The following CADPS2 variants were observed in gnomAD, a reference collection of about 807,000 sequenced individuals.
The protein encoded by CADPS2 is calcium dependent secretion activator 2.
CADPS2 carries 93 observed loss-of-function variants against 172.5 expected under a neutral mutation model. The ratio of observed to expected loss-of-function variants is 0.54; its 90% confidence interval spans 0.46 to 0.64. CADPS2 has a LOEUF of 0.64. Ranked by LOEUF, CADPS2 falls within the 30% of genes least tolerant of loss-of-function variation. The pLI is 0.00. For missense variants in CADPS2, 1,420 were observed against 1,565.9 expected, an observed-to-expected ratio of 0.91 and a Z score of 1.57; for synonymous variants, 546 against 555.2, an observed-to-expected ratio of 0.98 and a Z score of 0.23.
At chr7:122,866,608 G>A (rs1818384072) in intron 1 of CADPS2, among the ~76,000 whole-genome samples, 1 of 152,200 alleles carries the variant, frequency 6.6e-6, no homozygotes, top group Non-Finnish European at 1.5e-5. Flanking sequence ...TGCTGAAGCA[G>A]GAGAATTGCT....
chr7:122,449,190 T>C (rs968959019), intron 15 of CADPS2, among the ~76,000 whole-genome samples: 1 of 152,140 alleles, frequency 6.6e-6, no homozygotes, highest in Non-Finnish European at 1.5e-5. Context: ...CAGTTACTAA[T>C]ATAGATATCT....
rs542583714 is a variant in CADPS2, at chr7:122,341,570, T to C, written c.3612+4004A>G. 2.6e-5 allele frequency among the ~76,000 whole-genome samples: 4 copies of C among 152,282 alleles called. No individual in the cohort carries two copies. In the South Asian group the frequency reaches 8.3e-4, roughly 32 times the overall value. ...AGTTTCTGCATTCTCAGACCAGAGC[T>C]CTTCCCATAACACTACTTTATCATT... On this transcript the variant is annotated intron_variant, in intron 28 of 29. Transcript: ENST00000449022.
intron 17 of CADPS2, among the ~76,000 whole-genome samples, chr7:122,433,781 A>C (rs1455044722): frequency 6.6e-6 from 1 of 152,192 alleles, no homozygotes; most frequent in Non-Finnish European, 1.5e-5. Flanking sequence ...ACAGTTGACC[A>C]GTGGTATGGA....
At chr7:122,726,136 A>ATTTC (rs1365037688) in intron 2 of CADPS2, among the ~76,000 whole-genome samples, 3 of 151,980 alleles carry the variant, frequency 2.0e-5, no homozygotes, top group Non-Finnish European at 4.4e-5. Flanking sequence ...ATCTTATGAA[A>ATTTC]ATAAGATTCT....
intron 1 of CADPS2, among the ~76,000 whole-genome samples, chr7:122,880,618 T>C (rs913240025): frequency 2.6e-5 from 4 of 152,184 alleles, no homozygotes; most frequent in African/African-American, 9.7e-5. Context: ...TGAAATCAAT[T>C]GGGAAGTTTT....
intron 20 of CADPS2, among the ~76,000 whole-genome samples, chr7:122,397,688 A>G (rs1429492571): frequency 6.6e-6 from 1 of 152,172 alleles, no homozygotes; most frequent in African/African-American, 2.4e-5. Flanking sequence ...GAGGCATCAG[A>G]GTAAGTGCTT....
intron 6 of CADPS2, among the ~76,000 whole-genome samples, chr7:122,613,698 A>G (rs1163079240): frequency 6.6e-6 from 1 of 151,198 alleles, no homozygotes; most frequent in Non-Finnish European, 1.5e-5. Context: ...TCTTGAGATG[A>G]TGAGCATATT....
intron 8 of CADPS2, among the ~76,000 whole-genome samples, chr7:122,525,294 C>T (rs2061137013): frequency 6.6e-6 from 1 of 152,158 alleles, no homozygotes; most frequent in Admixed American, 6.6e-5. Flanking sequence ...ATTTAGTAAA[C>T]AAACTATGTC....
intron 17 of CADPS2, among the ~76,000 whole-genome samples, chr7:122,418,789 T>C (rs35760934): frequency 0.041 from 6,251 of 152,236 alleles, 233 homozygotes; most frequent in Non-Finnish European, 0.057. Context: ...TAAAGTTAGG[T>C]AATGGGTCTT....
intron 28 of CADPS2, among the ~76,000 whole-genome samples, chr7:122,327,774 G>A (rs928744815): frequency 8.6e-5 from 13 of 151,676 alleles, no homozygotes; most frequent in Admixed American, 1.3e-4. Flanking sequence ...TAATCTTAGA[G>A]AAAAAGAATT....
chr7:122,715,976 A>C (rs1250073206), intron 2 of CADPS2, among the ~76,000 whole-genome samples: 1 of 152,008 alleles, frequency 6.6e-6, no homozygotes, highest in Admixed American at 6.6e-5. Context: ...AGGGGAAAAA[A>C]CCTGATATTT....
At chr7:122,812,984 A>C (rs1296198958) in intron 1 of CADPS2, among the ~76,000 whole-genome samples, 2 of 152,162 alleles carry the variant, frequency 1.3e-5, no homozygotes, top group Admixed American at 6.5e-5. Flanking sequence ...GGACCCCAAA[A>C]TCTAGTAATC....
intron 18 of CADPS2, among the ~76,000 whole-genome samples, chr7:122,415,485 C>T (rs892060633): frequency 6.6e-6 from 1 of 151,718 alleles, no homozygotes; most frequent in Non-Finnish European, 1.5e-5. Flanking sequence ...TGTTAACTAA[C>T]TGCCCTCAAT....
At chr7:122,736,630 T>A (rs1276410200) in intron 2 of CADPS2, among the ~76,000 whole-genome samples, 1 of 152,166 alleles carries the variant, frequency 6.6e-6, no homozygotes, top group Non-Finnish European at 1.5e-5. Flanking sequence ...ACTATTGAAA[T>A]CCAGATTTAA....
chr7:122,524,341 C>T (rs1262457187), intron 8 of CADPS2, among the ~76,000 whole-genome samples: 2 of 151,954 alleles, frequency 1.3e-5, no homozygotes, highest in African/African-American at 2.4e-5. Context: ...ATGTAGGTAT[C>T]GGTCTCCCTT....
chr7:122,738,864 A>C (rs2092326394), intron 1 of CADPS2, among the ~76,000 whole-genome samples: 1 of 151,832 alleles, frequency 6.6e-6, no homozygotes, highest in African/African-American at 2.4e-5. Flanking sequence ...AAAAAAAAAA[A>C]AAAAAAACTT....
Position 122,496,157 on chromosome 7 carries a change from C to A in CADPS2, c.1543-4737G>T, listed in dbSNP as rs1261822031. ...ATCTCTTCATTTGGGATATTTATCT[C>A]TTTATTTATTTATTTATTTATTGAG... On this transcript the variant is annotated intron_variant, in intron 9 of 29. Transcript: ENST00000449022. Among the ~76,000 whole-genome samples, 16 of 151,878 alleles carry A rather than the reference C, an allele frequency of 1.1e-4. No homozygotes were observed. The East Asian group carries it at 2.9e-3, about 27-fold the overall frequency.
At chr7:122,844,065 C>T (rs1811302983) in intron 1 of CADPS2, among the ~76,000 whole-genome samples, 1 of 152,220 alleles carries the variant, frequency 6.6e-6, no homozygotes, top group Admixed American at 6.5e-5. Context: ...AGCACAGGAC[C>T]AAACACAAGC....
chr7:122,835,434 G>T (rs1440353667), intron 1 of CADPS2, among the ~76,000 whole-genome samples: 1 of 152,246 alleles, frequency 6.6e-6, no homozygotes, highest in East Asian at 1.9e-4. Context: ...GCTGGATGGA[G>T]AATGACTTTG....
Sources: gnomAD v4.1 joint callset for allele counts (sites outside exome capture counted in the v4.1 genomes callset) on GRCh38, gnomAD v4.1.1 for gene constraint, MANE v1.5 for transcripts, NCBI Gene and HGNC (gene_info 2026-07-23, HGNC 2026-07-21) for gene names.